MRPS6: variants seen among roughly 807,000 people sequenced by gnomAD.
MRPS6 encodes the protein mitochondrial ribosomal protein S6.
Under a neutral mutation model 13.1 loss-of-function variants are expected in MRPS6, and 6 were observed. The ratio of observed to expected loss-of-function variants is 0.46; its 90% CI spans 0.25 to 0.91. The LOEUF is 0.91. MRPS6 is among the 40% of genes least tolerant of loss of function. The pLI is 0.18. For missense variants in MRPS6, 164 were observed against 155.6 expected (o/e 1.05, Z -0.29); for synonymous variants, 61 against 56.5 (o/e 1.08, Z -0.36).
chr21:34,117,819 G>A (rs1979979322), intron 1 of MRPS6, among the ~76,000 whole-genome samples: 1 of 152,130 alleles, frequency 6.6e-6, no homozygotes, highest in South Asian at 2.1e-4. Flanking sequence ...CTCCTTAAAT[G>A]ACTTGTGCCA....
At chr21:34,076,281 T>C (rs1989328737) in intron 1 of MRPS6, among the ~76,000 whole-genome samples, 1 of 151,328 alleles carries the variant, frequency 6.6e-6, no homozygotes, top group South Asian at 2.1e-4. Context: ...TCCTCATTAC[T>C]TTTTTTTTGA....
chr21:34,091,796 T>C (rs1022216354), intron 1 of MRPS6, among the ~76,000 whole-genome samples: 3 of 152,226 alleles, frequency 2.0e-5, no homozygotes, highest in African/African-American at 7.2e-5. Flanking sequence ...CTAAATCTGC[T>C]CATCACCACT....
intron 2 of MRPS6, among the ~76,000 whole-genome samples, chr21:34,138,312 T>C (rs1014224041): frequency 6.6e-6 from 1 of 152,206 alleles, no homozygotes; most frequent in African/African-American, 2.4e-5. Flanking sequence ...TTTGGTGTTT[T>C]AGATGTGAAG....
intron 1 of MRPS6, among the ~76,000 whole-genome samples, chr21:34,112,318 A>AGG (rs1979733294): frequency 6.6e-6 from 1 of 152,216 alleles, no homozygotes. Flanking sequence ...GTTTAAGAAT[A>AGG]GGGACAGACT....
chr21:34,099,091 C>G, intron 1 of MRPS6: 2 of 999,540 alleles, frequency 2.0e-6, no homozygotes, highest in South Asian at 9.4e-5. Context: ...ATAGTGTCTT[C>G]CCATGATCAG....
rs746093403 is a variant in MRPS6 at position 34,096,393 on chromosome 21, C to T, written c.45+22648C>T. 41 of 1,614,014 alleles carry T rather than the reference C, an allele frequency of 2.5e-5. No individual in the cohort carries two copies. Among genetic ancestry groups the T allele is most frequent in the African/African-American group, 6.7e-5 (5 of 74,918 alleles). ...CACCCTCGATGTGTACAAACTTATC[C>T]GCAAGAGCGCAAGCTCCCGGGAGTT... is the stretch of plus-strand genomic sequence containing the variant. On this transcript the variant is annotated intron_variant, in intron 1 of 2. Transcript: ENST00000399312. This position sits in a 1 kb window ranked among gnomAD's most constrained non-coding sequence, Gnocchi z 5.9.
chr21:34,093,181 A>C (rs1214279904), intron 1 of MRPS6, among the ~76,000 whole-genome samples: 2 of 152,048 alleles, frequency 1.3e-5, no homozygotes, highest in Non-Finnish European at 2.9e-5. Context: ...GGTCATAGAA[A>C]TATGATCATC....
chr21:34,125,884 A>G (rs998121505), intron 2 of MRPS6, among the ~76,000 whole-genome samples: 2 of 152,204 alleles, frequency 1.3e-5, no homozygotes, highest in Non-Finnish European at 2.9e-5. Context: ...TGACTGATGT[A>G]TGTAACCTAA....
At chr21:34,101,979 A>G (rs1322800853) in intron 1 of MRPS6, 1 of 1,000,068 alleles carries the variant, frequency 1.0e-6, no homozygotes, top group Non-Finnish European at 1.2e-6. Context: ...TTTTGCAGTA[A>G]AAGTAAAAAT....
intron 1 of MRPS6, chr21:34,100,028 G>A (rs1979163049): frequency 2.2e-6 from 2 of 921,000 alleles, no homozygotes; most frequent in South Asian, 1.0e-4. Flanking sequence ...ACTTTACACT[G>A]ACTAAATGGG....
chr21:34,125,030 TG>T, intron 1 of MRPS6: 1 of 226,580 alleles, frequency 4.4e-6, no homozygotes, highest in Non-Finnish European at 8.6e-6. Flanking sequence ...TGATTCAGCC[TG>T]GCCGAGGTGC....
At chr21:34,078,429 A>G (rs1031326230) in intron 1 of MRPS6, among the ~76,000 whole-genome samples, 1 of 151,988 alleles carries the variant, frequency 6.6e-6, no homozygotes, top group Non-Finnish European at 1.5e-5. Flanking sequence ...TCCTCACCAG[A>G]TATGGTTTGT....
chr21:34,107,479 T>A (rs972206374), intron 1 of MRPS6, among the ~76,000 whole-genome samples: 1 of 152,224 alleles, frequency 6.6e-6, no homozygotes, highest in African/African-American at 2.4e-5. Flanking sequence ...TTACTATTTT[T>A]TCCCTTTGGT....
intron 1 of MRPS6, chr21:34,102,672 A>G (rs1462124233): frequency 2.0e-6 from 2 of 1,000,032 alleles, no homozygotes; most frequent in African/African-American, 3.5e-5. Flanking sequence ...AAGAGAAAGG[A>G]TGCTAGAATA....
intron 1 of MRPS6, among the ~76,000 whole-genome samples, chr21:34,090,564 G>A (rs1051462754): frequency 8.6e-5 from 13 of 151,998 alleles, no homozygotes; most frequent in Admixed American, 2.0e-4. Context: ...AAATAACTTG[G>A]GAAAATCCTA....
intron 1 of MRPS6, chr21:34,095,771 C>T (rs139768951): frequency 5.9e-5 from 96 of 1,613,902 alleles, no homozygotes; most frequent in Non-Finnish European, 8.0e-5. Flanking sequence ...AGGCTCTGCT[C>T]ATGATCATTG....
chr21:34,092,125 C>CAT (rs143732686), intron 1 of MRPS6, among the ~76,000 whole-genome samples: 115,309 of 149,336 alleles, frequency 0.77, 46,341 homozygotes, highest in East Asian at 0.93. Context: ...GGAAGAAAAA[C>CAT]ATATATATAT....
intron 2 of MRPS6, among the ~76,000 whole-genome samples, chr21:34,141,595 T>C (rs1980908443): frequency 6.6e-6 from 1 of 152,200 alleles, no homozygotes; most frequent in Non-Finnish European, 1.5e-5. Flanking sequence ...TTTAACCAGC[T>C]AGAACATTGC....
rs1281069571 is a variant in MRPS6, at chr21:34,096,267, A to G, written c.45+22522A>G. On this transcript the variant is annotated intron_variant, in intron 1 of 2. Transcript: ENST00000399312. This position sits in a 1 kb window ranked among gnomAD's most constrained non-coding sequence, Gnocchi z 5.9. ...TATTGCTTACCCACGCCTGGTGATG[A>G]AGCTGGTTCCTGTGGGCCTTCGGGG... is the stretch of plus-strand genomic sequence containing the variant. 6.2e-7 allele frequency: 1 copy of G among 1,614,134 alleles called. No homozygotes were observed. The highest frequency in any genetic ancestry group is 1.1e-5 in the South Asian group (1 of 91,082).
Sources: allele counts gnomAD v4.1 joint callset (sites outside exome capture counted in the v4.1 genomes callset), GRCh38; gene constraint gnomAD v4.1.1; non-coding constraint Gnocchi (gnomAD v3.1); transcripts MANE v1.5; gene names NCBI Gene and HGNC (gene_info 2026-07-23, HGNC 2026-07-21).